The following MMP19 variants were observed in gnomAD, a reference collection of about 807,000 sequenced individuals.
MMP19 encodes matrix metallopeptidase 19, also known as matrix metalloproteinase-19.
In MMP19, 47 loss-of-function variants were observed where a neutral mutation model predicts 46.6. The observed-to-expected ratio is 1.01, with a 90% confidence interval of 0.80 to 1.29. The LOEUF (loss-of-function observed/expected upper bound fraction) is 1.29. MMP19 is among the 50% of genes most tolerant of loss of function. The pLI is 0.00. For missense variants in MMP19, 589 were observed against 643.5 expected (o/e 0.92, Z 0.92); for synonymous variants, 222 against 248.5 (o/e 0.89, Z 1.00).
At chr12:55,838,514 C>T (rs893696821) in intron 6 of MMP19, 92 bp downstream of exon 6, 2 of 1,611,138 alleles carry the variant, frequency 1.2e-6, no homozygotes. Flanking sequence ...ATTGCTCATG[C>T]TGAAGTCCCA....
chr12:55,840,580 A>G, intron 4 of MMP19, 87 bp downstream of exon 4: 1 of 1,367,316 alleles, frequency 7.3e-7, no homozygotes, highest in South Asian at 1.3e-5. Context: ...AGAGCAGCCC[A>G]AACATCAAGG....
chr12:55,841,383 T>C, intron 2 of MMP19, 147 bp from the exon 3 acceptor site: 1 of 781,560 alleles, frequency 1.3e-6, no homozygotes, highest in South Asian at 1.8e-5. Flanking sequence ...CAGCCTCCAG[T>C]CCTCATAACT....
chr12:55,842,666 G>C, intron 1 of MMP19, 78 bp downstream of exon 1: 1 of 1,222,316 alleles, frequency 8.2e-7, no homozygotes, highest in Non-Finnish European at 1.2e-6. Flanking sequence ...TGAAGGTCAG[G>C]AGGGAGGCTT....
At chr12:55,840,186 GT>G (rs1164911992) in intron 4 of MMP19, among the ~76,000 whole-genome samples, 2 of 151,966 alleles carry the variant, frequency 1.3e-5, no homozygotes, top group Non-Finnish European at 2.9e-5. Flanking sequence ...GTGTGGTAGT[GT>G]TTGCCTGTAG....
intron 5 of MMP19, 71 bp downstream of exon 5, chr12:55,839,425 T>A: frequency 6.5e-7 from 1 of 1,527,612 alleles, no homozygotes; most frequent in Admixed American, 2.0e-5. Context: ...ACATGGAGGC[T>A]AGACCTGTCT....
In MMP19 at chr12:55,839,505, C is replaced by A; in HGVS notation, c.757G>T (p.Ala253Ser). The A allele has an allele frequency of 6.2e-7, 1 of 1,609,260 alleles. No individual in the cohort carries two copies. Among genetic ancestry groups the A allele is most frequent in the Non-Finnish European group, 8.5e-7 (1 of 1,176,246 alleles). ...LHPDDVAGIQALYGKKSPVIR... is the reference protein window; with the variant it reads ...LHPDDVAGIQSLYGKKSPVIR... ...AGGGGGAGGGACTGACCATAGAGAG[C>A]CTGGATCCCTGCCACATCATCTGGG... is the stretch of plus-strand genomic sequence containing the variant. The change falls in exon 5 of 9, where the codon GCT (alanine) becomes TCT (serine). Residue 253 changes from alanine to serine, a missense_variant. Transcript: ENST00000322569.
chr12:55,841,708 C>T (rs1296262082), intron 2 of MMP19, among the ~76,000 whole-genome samples: 7 of 152,146 alleles, frequency 4.6e-5, no homozygotes, highest in African/African-American at 1.7e-4. Context: ...CGTGAGCCAC[C>T]ATGCCCAGCC....
At chr12:55,841,031 C>A in intron 3 of MMP19, 75 bp downstream of exon 3, 1 of 1,583,346 alleles carries the variant, frequency 6.3e-7, no homozygotes, top group Non-Finnish European at 8.6e-7. Context: ...CTGGTCCAGA[C>A]TGTCCTAATG....
At chr12:55,839,415 A>G in intron 5 of MMP19, 81 bp downstream of exon 5, 1 of 1,494,936 alleles carries the variant, frequency 6.7e-7, no homozygotes. Context: ...CTATATCCCT[A>G]CATGGAGGCT....
Position 55,837,509 on chromosome 12 carries a change from C to T in MMP19, c.1188+46G>A, listed in dbSNP as rs369690120. 24 of 1,612,424 alleles carry T rather than the reference C, an allele frequency of 1.5e-5. No individual in the cohort carries two copies. The African/African-American group carries it at 2.7e-4, about 18-fold the overall frequency. ...AGCTTTGCTTCTCAGTATAAGGTAG[C>T]CCACTCCTCCTAAGAAGGGATTTGC... On this transcript the variant is annotated intron_variant, in intron 8 of 8. Transcript: ENST00000322569.
At position 55,837,195 on chromosome 12, in the gene MMP19, T is replaced by A; in HGVS notation, c.1368A>T (p.Arg456=). 6.2e-7 allele frequency: 1 copy of A among 1,614,210 alleles called. No homozygotes were observed. Among genetic ancestry groups the A allele is most frequent in the Non-Finnish European group, 8.5e-7 (1 of 1,180,032 alleles). Residue 456 remains arginine (R), a synonymous_variant, in exon 9 of 9, where the codon CGA becomes CGT. Transcript: ENST00000322569. Reference sequence around the variant, plus strand: ...TATTTCTGGGATAGCCTTTCTCTACTCGAAGCTGCTGGTTGAGGCGCCAGT... The same window carrying A: ...TATTTCTGGGATAGCCTTTCTCTACACGAAGCTGCTGGTTGAGGCGCCAGT... The part of the protein sequence containing the change: ...KVYWRLNQQL[R]VEKGYPRNIS...
At chr12:55,838,493 G>T (rs772125586) in intron 6 of MMP19, 113 bp downstream of exon 6, 15 of 1,606,194 alleles carry the variant, frequency 9.3e-6, no homozygotes, top group Non-Finnish European at 1.3e-5. Context: ...AATGCCTGGG[G>T]TCTAACCTCC....
chr12:55,839,377 TG>T, intron 5 of MMP19, 118 bp downstream of exon 5: 2 of 1,278,874 alleles, frequency 1.6e-6, no homozygotes, highest in Non-Finnish European at 2.1e-6. Flanking sequence ...CCTGAGTAAC[TG>T]GGCTGGAGGA....
At chr12:55,837,516 C>T (rs1881325721) in intron 8 of MMP19, 39 bp downstream of exon 8, 1 of 1,613,010 alleles carries the variant, frequency 6.2e-7, no homozygotes. Flanking sequence ...TAGCCCACTC[C>T]TCCTAAGAAG....
Position 55,836,937 on chromosome 12 carries a change from C to A in MMP19, c.*99G>T. On this transcript the variant is annotated 3_prime_UTR_variant, in exon 9 of 9. Transcript: ENST00000322569. ...GGTTCTACTGAGCAGACAGGTATTT[C>A]ATTCAGCTATTAGGCCTTAGGCTTC... is the stretch of plus-strand genomic sequence containing the variant. 1 of 1,128,330 alleles carries A rather than the reference C, an allele frequency of 8.9e-7. No homozygotes were observed. 69.9% of individuals were successfully genotyped at this position (1,128,330 alleles called of 1,614,324 possible).
Position 55,839,502 on chromosome 12 carries a change from G to C in MMP19, c.760C>G (p.Leu254Val), listed in dbSNP as rs771584264. Residue 254 changes from leucine (L) to valine (V), a missense_variant, in exon 5 of 9, where the codon CTC becomes GTC. Transcript: ENST00000322569. ...HPDDVAGIQALYGKKSPVIRD... is the reference protein window; with the variant it reads ...HPDDVAGIQAVYGKKSPVIRD... ...ACTAGGGGGAGGGACTGACCATAGA[G>C]AGCCTGGATCCCTGCCACATCATCT... 4 of 1,607,600 alleles carry C rather than the reference G, an allele frequency of 2.5e-6. No individual in the cohort carries two copies. The highest frequency in any genetic ancestry group is 3.4e-6 in the Non-Finnish European group (4 of 1,175,024).
At position 55,842,413 on chromosome 12, in the gene MMP19, AG is replaced by A. The variant is rs748057236; in HGVS notation, c.112del (p.Leu38TyrfsTer5). The A allele has an allele frequency of 4.0e-5, 65 of 1,613,574 alleles. No homozygotes were observed. Among genetic ancestry groups the A allele is most frequent in the Non-Finnish European group, 5.3e-5 (62 of 1,179,780 alleles). Reference sequence around the variant, plus strand: ...ATTAGATCCTTCTAGAGGCTTCTGTAGGTACCCATATTGTGACAGGTAGTCC... The same window carrying A: ...ATTAGATCCTTCTAGAGGCTTCTGTAGTACCCATATTGTGACAGGTAGTCC... ...PVDYLSQYGY[L>X]QKPLEGSNNF... On this transcript the variant is annotated frameshift_variant, in exon 2 of 9. Transcript: ENST00000322569. LOFTEE classifies it high-confidence loss of function.
chr12:55,839,389 G>A, intron 5 of MMP19, 107 bp downstream of exon 5: 1 of 1,393,150 alleles, frequency 7.2e-7, no homozygotes, highest in Non-Finnish European at 9.7e-7. Flanking sequence ...GGCTGGAGGA[G>A]AAGAAAGACA....
In MMP19 at chr12:55,841,142, G is replaced by A. The variant is rs1273282667; in HGVS notation, c.268C>T (p.Pro90Ser). The change falls in exon 3 of 9, where the codon CCC (proline) becomes TCC (serine). Residue 90 changes from proline to serine, a missense_variant. Transcript: ENST00000322569. ...MRQPRCGLED[P>S]FNQKTLKYLL... ...TATTTAAGGGTCTTCTGGTTGAAGGGATCCTCTAGGCCACAACGAGGCTGC... is the reference window on the plus strand; with the variant it reads ...TATTTAAGGGTCTTCTGGTTGAAGGAATCCTCTAGGCCACAACGAGGCTGC... The A allele has an allele frequency of 6.2e-7, 1 of 1,613,390 alleles. No individual in the cohort carries two copies. Among genetic ancestry groups the A allele is most frequent in the African/African-American group, 1.3e-5 (1 of 74,876 alleles).
Sources: allele counts gnomAD v4.1 joint callset (sites outside exome capture counted in the v4.1 genomes callset), GRCh38; gene constraint gnomAD v4.1.1; transcripts MANE v1.5; gene names NCBI Gene and HGNC (gene_info 2026-07-23, HGNC 2026-07-21).